DOCK2: variants seen among roughly 807,000 people sequenced by gnomAD.
DOCK2 encodes dedicator of cytokinesis 2.
Under a neutral mutation model 248.9 loss-of-function variants are expected in DOCK2, and 87 were observed. That is an observed-to-expected ratio of 0.35 (90% CI 0.29 to 0.42). The LOEUF is 0.42. Ranked by LOEUF, DOCK2 falls within the 10% of genes least tolerant of loss-of-function variation. DOCK2 has a pLI of 1.00. For synonymous variants in DOCK2, 805 were observed against 821.6 expected, an observed-to-expected ratio of 0.98 and a Z score of 0.35; for missense variants, 1,747 against 2,300.2, an observed-to-expected ratio of 0.76 and a Z score of 4.92.
Position 170,057,576 on chromosome 5 carries a change from A to G in DOCK2, c.4381-4A>G, listed in dbSNP as rs970853935. 5 of 1,613,724 alleles carry G rather than the reference A, an allele frequency of 3.1e-6. No homozygotes were observed. Among genetic ancestry groups the G allele is most frequent in the Non-Finnish European group, 4.2e-6 (5 of 1,179,626 alleles). ...GCCCTTGCCACCCCTCTGCCCACGG[A>G]CAGTCCATGTGGATTGAGAGAACCT... On this transcript the variant is annotated splice_polypyrimidine_tract_variant and splice_region_variant and intron_variant, in intron 43 of 51. Transcript: ENST00000520908.
chr5:169,655,543 A>C (rs1561572555), intron 2 of DOCK2, among the ~76,000 whole-genome samples: 1 of 152,184 alleles, frequency 6.6e-6, no homozygotes, highest in Non-Finnish European at 1.5e-5. Flanking sequence ...TTTATAACAC[A>C]TGATCCTAGT....
At chr5:170,056,878 T>G (rs1485889231) in intron 43 of DOCK2, 110 bp downstream of exon 43, 1 of 971,324 alleles carries the variant, frequency 1.0e-6, no homozygotes, top group Non-Finnish European at 1.6e-6. Context: ...CCAGAGAAAA[T>G]AAAGCCAACC....
intron 41 of DOCK2, among the ~76,000 whole-genome samples, chr5:170,052,574 CAAGA>C (rs1351745335): frequency 6.6e-6 from 1 of 152,114 alleles, no homozygotes; most frequent in Non-Finnish European, 1.5e-5. Flanking sequence ...ATTTCATGGA[CAAGA>C]AATATGTGGG....
At chr5:170,032,058 G>A (rs1361647801) in intron 34 of DOCK2, among the ~76,000 whole-genome samples, 14 of 147,164 alleles carry the variant, frequency 9.5e-5, no homozygotes, top group African/African-American at 2.0e-4. Flanking sequence ...ACGGAGTCTC[G>A]CTCTGTCGCC....
chr5:169,793,094 G>A (rs1766449843), intron 25 of DOCK2, among the ~76,000 whole-genome samples: 1 of 152,144 alleles, frequency 6.6e-6, no homozygotes, highest in Admixed American at 6.5e-5. Flanking sequence ...GTTGATGGGA[G>A]TCTTTCATTA....
chr5:169,884,911 G>A (rs930570658), intron 27 of DOCK2: 1 of 152,220 alleles, frequency 6.6e-6, no homozygotes, highest in African/African-American at 2.4e-5. Context: ...AGTATTTTGA[G>A]TGGAGGGTCT....
At chr5:169,818,987 T>C (rs1447050916) in intron 26 of DOCK2, among the ~76,000 whole-genome samples, 1 of 152,096 alleles carries the variant, frequency 6.6e-6, no homozygotes, top group Non-Finnish European at 1.5e-5. Context: ...CATCAAAGGG[T>C]ACGTAAAAAC....
At chr5:169,642,936 T>C (rs1757228298) in intron 1 of DOCK2, among the ~76,000 whole-genome samples, 1 of 152,198 alleles carries the variant, frequency 6.6e-6, no homozygotes, top group Non-Finnish European at 1.5e-5. Context: ...TTTCTGGACC[T>C]TTGGATTTGT....
chr5:170,050,200 G>A, intron 40 of DOCK2, 56 bp from the exon 41 acceptor site: 4 of 1,593,668 alleles, frequency 2.5e-6, no homozygotes, highest in Non-Finnish European at 3.4e-6. Flanking sequence ...GCTTTGCTTG[G>A]CCCCTTTCTT....
intron 25 of DOCK2, among the ~76,000 whole-genome samples, chr5:169,772,426 T>C (rs934029308): frequency 6.6e-6 from 1 of 152,134 alleles, no homozygotes; most frequent in African/African-American, 2.4e-5. Context: ...GAACTGGGAG[T>C]GAGGAGACCT....
chr5:169,873,426 A>C (rs1453269455), intron 27 of DOCK2, among the ~76,000 whole-genome samples: 1 of 152,242 alleles, frequency 6.6e-6, no homozygotes, highest in Non-Finnish European at 1.5e-5. Flanking sequence ...ACGGCCCAGC[A>C]TTTGAAATAG....
chr5:170,016,357 C>A (rs28371413), intron 32 of DOCK2, among the ~76,000 whole-genome samples: 4,478 of 152,256 alleles, frequency 0.029, 202 homozygotes, highest in African/African-American at 0.1. Context: ...ATTCAATTAG[C>A]CACAAATGTG....
chr5:169,847,446 G>A (rs1383929380), intron 27 of DOCK2, among the ~76,000 whole-genome samples: 1 of 152,162 alleles, frequency 6.6e-6, no homozygotes, highest in Non-Finnish European at 1.5e-5. Context: ...CTGATGATTA[G>A]TGATGTTGAT....
intron 40 of DOCK2, among the ~76,000 whole-genome samples, chr5:170,048,675 A>G (rs959969119): frequency 3.3e-5 from 5 of 152,274 alleles, no homozygotes; most frequent in Admixed American, 3.3e-4. Context: ...AGGATAAATA[A>G]CAGCTTTCAT....
rs142917260 is a variant in DOCK2, at chr5:169,656,365, C to T, written c.127+1879C>T. On this transcript the variant is annotated intron_variant, in intron 2 of 51. Transcript: ENST00000520908. ...TAAGACGGACTCTTGCTTTTGTCTC[C>T]CAAGCTGGAGTGCAGTGATGCGATC... 2.9e-3 allele frequency among the ~76,000 whole-genome samples: 443 copies of T among 151,820 alleles called. 4 individuals are homozygous for T. The highest frequency in any genetic ancestry group is 0.01 in the African/African-American group (424 of 41,370).
rs75657497 is a variant in DOCK2 at position 169,725,092 on chromosome 5, C to T, written c.2267+6301C>T. On this transcript the variant is annotated intron_variant, in intron 22 of 51. Transcript: ENST00000520908. ...TTTATGCCGAGCATGAGCTGAAATG[C>T]CTGTGACATTGAGATTCCTGTTTCT... Among the ~76,000 whole-genome samples the T allele has an allele frequency of 3.3e-3, 505 of 152,236 alleles. 26 individuals are homozygous for T. In the East Asian group the frequency reaches 0.08, roughly 24 times the overall value.
At chr5:169,900,577 C>T (rs1376178647) in intron 27 of DOCK2, among the ~76,000 whole-genome samples, 1 of 152,120 alleles carries the variant, frequency 6.6e-6, no homozygotes, top group Non-Finnish European at 1.5e-5. Context: ...ACCTAAATGT[C>T]GAGTCTCTCT....
intron 27 of DOCK2, among the ~76,000 whole-genome samples, chr5:169,886,117 GA>G (rs979573180): frequency 2.0e-5 from 3 of 151,936 alleles, no homozygotes; most frequent in Admixed American, 6.6e-5. Flanking sequence ...TCTTTATAAA[GA>G]AAAAAACCCC....
At chr5:169,680,610 G>T (rs1008854218) in intron 6 of DOCK2, among the ~76,000 whole-genome samples, 2 of 152,106 alleles carry the variant, frequency 1.3e-5, no homozygotes, top group Admixed American at 1.3e-4. Flanking sequence ...AGTCCCAGCT[G>T]CTCAGGAGGC....
Sources: gnomAD v4.1 joint callset for allele counts (sites outside exome capture counted in the v4.1 genomes callset) on GRCh38, gnomAD v4.1.1 for gene constraint, MANE v1.5 for transcripts, NCBI Gene and HGNC (gene_info 2026-07-23, HGNC 2026-07-21) for gene names.